Variants in ARHGEF9 observed in about 807,000 individuals in gnomAD.
ARHGEF9 encodes the protein rho guanine nucleotide exchange factor 9.
A neutral mutation model predicts 41.3 loss-of-function variants in ARHGEF9; 2 were observed. The ratio of observed to expected loss-of-function variants is 0.05; its 90% CI spans 0.02 to 0.15. The LOEUF (loss-of-function observed/expected upper bound fraction) is 0.15, where lower values mean the gene tolerates loss of function less well. Ranked by LOEUF, ARHGEF9 falls within the 10% of genes least tolerant of loss-of-function variation. The pLI, the probability that ARHGEF9 is intolerant of heterozygous loss-of-function variation, is 1.00. For synonymous variants in ARHGEF9, 160 were observed against 154.4 expected, an observed-to-expected ratio of 1.04 and a Z score of -0.27; for missense variants, 225 against 424.7, an observed-to-expected ratio of 0.53 and a Z score of 4.13.
At chrX:63,728,349 C>T (rs1218050717) in intron 1 of ARHGEF9, among the ~76,000 whole-genome samples, 1 of 112,322 alleles carries the variant, frequency 8.9e-6, no homozygotes, top group Non-Finnish European at 1.9e-5. Flanking sequence ...CAGGGATCTG[C>T]TCACTGTGAC....
intron 9 of ARHGEF9, chrX:63,638,708 C>T (rs2047445008): frequency 3.3e-6 from 1 of 298,854 alleles, no homozygotes; most frequent in Non-Finnish European, 5.8e-6. Flanking sequence ...GACTTCAGGA[C>T]AGGTTTCTAG....
intron 1 of ARHGEF9, among the ~76,000 whole-genome samples, chrX:63,730,542 G>A (rs1257997463): frequency 5.4e-5 from 6 of 111,923 alleles, no homozygotes; most frequent in Admixed American, 9.4e-5. Context: ...AGGTTGCTGG[G>A]CCACATAGGC....
rs782248986 is a variant in ARHGEF9 at position 63,665,903 on chromosome X, T to G, written c.1060A>C (p.Met354Leu). The G allele has an allele frequency of 1.2e-5, 15 of 1,208,991 alleles. No homozygotes were observed. The African/African-American group carries it at 2.1e-4, about 17-fold the overall frequency. The stretch of plus-strand genomic sequence containing the variant: ...AGGGTTACCTTCTTGCAGAGGACCA[T>G]CTGGTGGTCAAACAGGAAGAAGACC... ...QRVFFLFDHQ[M>L]VLCKKDLIRR... Residue 354 changes from methionine to leucine, a missense_variant, in exon 7 of 10, where the codon ATG becomes CTG. Coordinates refer to ENST00000671741, the MANE Select transcript of ARHGEF9 (RefSeq NM_001353921.2).
intron 4 of ARHGEF9, 38 bp downstream of exon 4, chrX:63,697,087 A>G: frequency 1.7e-6 from 2 of 1,189,689 alleles, no homozygotes; most frequent in Non-Finnish European, 2.3e-6. Context: ...GTTTCCTAAC[A>G]CCTCTCAAAA....
chrX:63,752,636 C>T (rs1377513841), intron 1 of ARHGEF9, among the ~76,000 whole-genome samples: 2 of 111,559 alleles, frequency 1.8e-5, no homozygotes, highest in Non-Finnish European at 3.8e-5. Context: ...CATGTTTACA[C>T]CATGGTACTA....
chrX:63,769,615 T>G (rs1211016805), intron 1 of ARHGEF9, among the ~76,000 whole-genome samples: 1 of 111,054 alleles, frequency 9.0e-6, no homozygotes, highest in Non-Finnish European at 1.9e-5. Context: ...AGGAAAAAAT[T>G]GTTTCTTGGG....
Position 63,636,543 on chromosome X carries a change from T to G in ARHGEF9, c.*1485A>C. ...CTCACTTGCCCCAAATGTCCTGGGA[T>G]GAGAGGATGTTGGAAACACGGCCTT... On this transcript the variant is annotated 3_prime_UTR_variant, in exon 10 of 10. Coordinates refer to ENST00000671741, the MANE Select transcript of ARHGEF9 (RefSeq NM_001353921.2). 1.3e-5 allele frequency: 2 copies of G among 155,623 alleles called. No homozygotes were observed. The highest frequency in any genetic ancestry group is 1.4e-4 in the East Asian group (1 of 7,209). The allele number at this position is 155,623 out of a possible 1,213,427, so 12.8% of individuals were successfully genotyped here.
intron 7 of ARHGEF9, among the ~76,000 whole-genome samples, chrX:63,661,591 G>T (rs1295422456): frequency 2.7e-5 from 3 of 112,190 alleles, no homozygotes; most frequent in Admixed American, 9.5e-5. Context: ...CGAAGAAAAA[G>T]AACAGAGTCT....
chrX:63,724,731 A>G lies in ARHGEF9; in HGVS notation c.31-20T>C. ...GATCAGCTTAGGAGACAAAATGAGA[A>G]TGTGTTCAGTCCACACAGCTACCTT... On this transcript the variant is annotated intron_variant, in intron 1 of 9. Transcript: ENST00000671741. The G allele has an allele frequency of 8.3e-7, 1 of 1,203,635 alleles. No individual in the cohort carries two copies. The highest frequency in any genetic ancestry group is 1.1e-6 in the Non-Finnish European group (1 of 888,749).
At chrX:63,658,359 A>C (rs2147232153) in intron 7 of ARHGEF9, among the ~76,000 whole-genome samples, 1 of 112,176 alleles carries the variant, frequency 8.9e-6, no homozygotes, top group African/African-American at 3.2e-5. Flanking sequence ...GAGGAACTCC[A>C]ATCAGAAAGA....
chrX:63,748,684 T>C (rs2055422524), intron 1 of ARHGEF9, among the ~76,000 whole-genome samples: 1 of 111,222 alleles, frequency 9.0e-6, no homozygotes, highest in African/African-American at 3.3e-5. Flanking sequence ...AATAAATAAA[T>C]AAAGCTCCCT....
chrX:63,758,982 A>G (rs1446837989), intron 1 of ARHGEF9, among the ~76,000 whole-genome samples: 3 of 111,165 alleles, frequency 2.7e-5, no homozygotes, highest in African/African-American at 9.8e-5. Context: ...TCCTTCATCC[A>G]CTGGTCTCCA....
chrX:63,761,720 C>T (rs1404778209), intron 1 of ARHGEF9, among the ~76,000 whole-genome samples: 9 of 111,616 alleles, frequency 8.1e-5, no homozygotes, highest in South Asian at 3.8e-4. Context: ...AGAAACTTTT[C>T]CCTCAAGAAA....
At chrX:63,664,310 G>T (rs1209303351) in intron 7 of ARHGEF9, among the ~76,000 whole-genome samples, 1 of 112,172 alleles carries the variant, frequency 8.9e-6, no homozygotes, top group Non-Finnish European at 1.9e-5. Flanking sequence ...CTGGATCCTG[G>T]TCTATCTCTT....
At chrX:63,680,540 G>A (rs2050556812) in intron 4 of ARHGEF9, among the ~76,000 whole-genome samples, 1 of 112,256 alleles carries the variant, frequency 8.9e-6, no homozygotes. Flanking sequence ...ACAGCAGAGA[G>A]CAAAGAATAG....
In ARHGEF9 at chrX:63,664,243, A is replaced by G. The variant is rs1434056545; in HGVS notation, c.1077+1643T>C. ...GCCCGTTGAGTTCTAAGTTAAACCC[A>G]TTGTTTATCTTGTTTCTTCCCCTTT... On this transcript the variant is annotated intron_variant, in intron 7 of 9. Transcript: ENST00000671741. Among the ~76,000 whole-genome samples the G allele has an allele frequency of 9.0e-5, 10 of 111,695 alleles. No individual in the cohort carries two copies. The Admixed American group carries it at 9.5e-4, about 11-fold the overall frequency.
intron 9 of ARHGEF9, among the ~76,000 whole-genome samples, chrX:63,643,445 G>A (rs1357599486): frequency 9.5e-5 from 10 of 104,806 alleles, no homozygotes; most frequent in Non-Finnish European, 1.5e-4. Context: ...TGCAACCTCC[G>A]CCTCCCAGGT....
At chrX:63,688,005 G>T (rs1269375807) in intron 4 of ARHGEF9, among the ~76,000 whole-genome samples, 4 of 110,748 alleles carry the variant, frequency 3.6e-5, no homozygotes, top group Non-Finnish European at 7.6e-5. Context: ...CCAGGTACAG[G>T]GTTAAAGACA....
chrX:63,696,983 C>T, intron 4 of ARHGEF9, 142 bp downstream of exon 4: 2 of 608,752 alleles, frequency 3.3e-6, no homozygotes, highest in Non-Finnish European at 5.0e-6. Context: ...TGGCTAGAGA[C>T]CAGGGGTCAA....
Sources: allele counts gnomAD v4.1 joint callset (sites outside exome capture counted in the v4.1 genomes callset), GRCh38; gene constraint gnomAD v4.1.1; transcripts MANE v1.5; gene names NCBI Gene and HGNC (gene_info 2026-07-23, HGNC 2026-07-21).